The following ATM variants were observed in gnomAD, a reference collection of about 807,000 sequenced individuals.
The protein encoded by ATM is ATM serine/threonine kinase.
Under a neutral mutation model 387.0 loss-of-function variants are expected in ATM, and 308 were observed. The ratio of observed to expected loss-of-function variants is 0.80; its 90% CI spans 0.73 to 0.87. ATM has a LOEUF of 0.87. Ranked by LOEUF, ATM falls within the 40% of genes least tolerant of loss-of-function variation. The pLI is 0.00. For synonymous variants in ATM, 1,156 were observed against 1,187.3 expected, an observed-to-expected ratio of 0.97 and a Z score of 0.54; for missense variants, 3,312 against 3,560.9, an observed-to-expected ratio of 0.93 and a Z score of 1.78.
intron 4 of ATM, among the ~76,000 whole-genome samples, chr11:108,234,418 A>G (rs1384666799): frequency 6.6e-6 from 1 of 152,258 alleles, no homozygotes; most frequent in Non-Finnish European, 1.5e-5. Context: ...TGACGTAAAT[A>G]TAATTTACTG....
intron 61 of ATM, among the ~76,000 whole-genome samples, chr11:108,362,764 A>G (rs1442491349): frequency 7.3e-6 from 1 of 136,716 alleles, no homozygotes; most frequent in African/African-American, 2.7e-5. Flanking sequence ...ACACATGGAC[A>G]CAGGAAGGGG....
intron 5 of ATM, among the ~76,000 whole-genome samples, chr11:108,241,832 C>T (rs531967799): frequency 4.4e-4 from 62 of 142,036 alleles, no homozygotes; most frequent in Admixed American, 3.7e-3. Context: ...TCTGCAGCTT[C>T]GACCTCCTGA....
At chr11:108,232,000 A>G (rs1408571952) in intron 4 of ATM, among the ~76,000 whole-genome samples, 1 of 152,204 alleles carries the variant, frequency 6.6e-6, no homozygotes, top group East Asian at 1.9e-4. Flanking sequence ...ATGCTGGGAT[A>G]TAGTAGGTAC....
intron 61 of ATM, among the ~76,000 whole-genome samples, chr11:108,362,692 C>T (rs977774184): frequency 6.8e-6 from 1 of 146,386 alleles, no homozygotes; most frequent in Admixed American, 6.8e-5. Flanking sequence ...AGTAAACTAT[C>T]GCAAGAACAA....
intron 55 of ATM, among the ~76,000 whole-genome samples, chr11:108,335,552 T>A (rs1185621874): frequency 6.6e-6 from 1 of 151,916 alleles, no homozygotes; most frequent in East Asian, 1.9e-4. Context: ...TACTGGGGAG[T>A]GGTGGAAAGA....
At chr11:108,343,940 C>T (rs1470642933) in intron 57 of ATM, among the ~76,000 whole-genome samples, 2 of 152,154 alleles carry the variant, frequency 1.3e-5, no homozygotes, top group African/African-American at 4.8e-5. Context: ...TGTTTTCTGT[C>T]TACCAGGTAC....
chr11:108,299,594 G>A lies in ATM; in HGVS notation c.5006-120G>A. 3.8e-6 allele frequency: 4 copies of A among 1,043,086 alleles called. No homozygotes were observed. In the Admixed American group the frequency reaches 7.1e-5, roughly 18 times the overall value. 64.6% of individuals were successfully genotyped at this position (1,043,086 alleles called of 1,614,324 possible). ...TTACAGTCGTGAGCCACCGCACTCG[G>A]CCTTAAGGTTAATTCTTGAAGTACA... On this transcript the variant is annotated intron_variant, in intron 33 of 62. Transcript: ENST00000675843.
Position 108,248,251 on chromosome 11 carries a change from C to T in ATM, c.1066-682C>T, listed in dbSNP as rs188230506. Among the ~76,000 whole-genome samples, 288 of 152,298 alleles carry T rather than the reference C, an allele frequency of 1.9e-3. 1 individual carries two copies. The highest frequency in any genetic ancestry group is 6.4e-3 in the African/African-American group (266 of 41,568). ...CTCTGTTCCCCAGAGATTTGGTTAA[C>T]ATCCTGAGTAGTAATTTCACTCTGT... is the stretch of plus-strand genomic sequence containing the variant. On this transcript the variant is annotated intron_variant, in intron 8 of 62. Transcript: ENST00000675843.
chr11:108,260,791 C>T (rs958013238), intron 16 of ATM, among the ~76,000 whole-genome samples: 13 of 151,840 alleles, frequency 8.6e-5, no homozygotes, highest in African/African-American at 1.7e-4. Flanking sequence ...GCGCACCGTG[C>T]GCGAGCCGAA....
In ATM at chr11:108,304,161, C is replaced by T. The variant is rs1429645261; in HGVS notation, c.5497-514C>T. Among the ~76,000 whole-genome samples the T allele has an allele frequency of 3.3e-5, 5 of 152,248 alleles. No homozygotes were observed. The East Asian group carries it at 7.7e-4, about 23-fold the overall frequency. On this transcript the variant is annotated intron_variant, in intron 36 of 62. Transcript: ENST00000675843. ...TTGGAATATACCACAAATAATTACC[C>T]AAATTTTATGCCCAGAAGTTGGGCT...
chr11:108,319,963 A>T lies in ATM; in HGVS notation c.6357A>T (p.Val2119=), dbSNP rs1060504295. ...WDHCTSVSKE[V]EGTSYHESLY... is the part of the protein sequence containing the mutation. ...TTGACTTATCTCACAGCAAAGAAGT[A>T]GAAGGAACCAGTTACCATGAATCAT... Residue 2119 remains valine, a synonymous_variant, in exon 44 of 63, where the codon GTA becomes GTT. Transcript: ENST00000675843. 5.0e-6 allele frequency: 8 copies of T among 1,609,420 alleles called. No homozygotes were observed. Among genetic ancestry groups the T allele is most frequent in the Non-Finnish European group, 6.0e-6 (7 of 1,175,956 alleles).
In ATM at chr11:108,259,212, A is replaced by G. The variant is rs925652869; in HGVS notation, c.2466+137A>G. On this transcript the variant is annotated intron_variant, in intron 16 of 62. Transcript: ENST00000675843. ...TTTTACAAATGTGGAAATTAAGGCC[A>G]GGTGCGGTGGCTCATGCCTGTAACC... The G allele has an allele frequency of 3.7e-6, 3 of 802,664 alleles. No individual in the cohort carries two copies. The South Asian group carries it at 4.6e-5, about 12-fold the overall frequency. 49.7% of individuals were successfully genotyped at this position (802,664 alleles called of 1,614,324 possible).
chr11:108,308,669 G>A lies in ATM; in HGVS notation c.5762+685G>A, dbSNP rs2083881297. Reference sequence around the variant, plus strand: ...AATCGATGTCTCATAAGTGTGTATGGTGGTGGTAGGGGTGGTTGGTAAAGA... The same window carrying A: ...AATCGATGTCTCATAAGTGTGTATGATGGTGGTAGGGGTGGTTGGTAAAGA... On this transcript the variant is annotated intron_variant, in intron 38 of 62. Transcript: ENST00000675843. 2.2e-5 allele frequency: 6 copies of A among 274,326 alleles called. No individual in the cohort carries two copies. In the Admixed American group the frequency reaches 2.3e-4, roughly 11 times the overall value. 17.0% of individuals were successfully genotyped at this position (274,326 alleles called of 1,614,324 possible). A position where few individuals can be genotyped will look rare whatever the true frequency, so the allele number is the denominator to read the frequency against.
At chr11:108,260,124 T>A (rs1427448943) in intron 16 of ATM, among the ~76,000 whole-genome samples, 3 of 140,220 alleles carry the variant, frequency 2.1e-5, no homozygotes, top group East Asian at 4.6e-4. Flanking sequence ...AGCCCCCACC[T>A]CCTAGGTTCA....
At chr11:108,356,888 G>A (rs1180717637) in intron 61 of ATM, among the ~76,000 whole-genome samples, 2 of 152,176 alleles carry the variant, frequency 1.3e-5, no homozygotes, top group Non-Finnish European at 2.9e-5. Context: ...AAAGTGATTT[G>A]CATCTCCACC....
intron 5 of ATM, among the ~76,000 whole-genome samples, chr11:108,243,487 C>T (rs1227947173): frequency 6.6e-6 from 1 of 152,064 alleles, no homozygotes; most frequent in Non-Finnish European, 1.5e-5. Flanking sequence ...GTTTTGTGCG[C>T]CTGTGGTCCC....
chr11:108,249,171 C>T (rs2135298102), intron 9 of ATM, 69 bp downstream of exon 9: 2 of 1,554,048 alleles, frequency 1.3e-6, no homozygotes, highest in Non-Finnish European at 1.8e-6. Flanking sequence ...AGAAAACTTT[C>T]AGTGGAATCC....
intron 45 of ATM, among the ~76,000 whole-genome samples, chr11:108,324,240 G>GT (rs898790193): frequency 3.4e-4 from 51 of 152,078 alleles, no homozygotes; most frequent in African/African-American, 1.2e-3. Context: ...GAGGTTACGT[G>GT]TAATAGGAAA....
chr11:108,248,051 A>G lies in ATM; in HGVS notation c.1066-882A>G, dbSNP rs183496952. Reference sequence around the variant, plus strand: ...GTTCGTTTAAATGGAATCATACAATATGTGAGTCTTTTGTGTCTGGTTTCT... The same window carrying G: ...GTTCGTTTAAATGGAATCATACAATGTGTGAGTCTTTTGTGTCTGGTTTCT... On this transcript the variant is annotated intron_variant, in intron 8 of 62. Coordinates refer to ENST00000675843, the MANE Select transcript of ATM (RefSeq NM_000051.4). Among the ~76,000 whole-genome samples the G allele has an allele frequency of 9.2e-5, 14 of 152,308 alleles. No homozygotes were observed. The East Asian group carries it at 2.7e-3, about 29-fold the overall frequency.
Sources: allele counts gnomAD v4.1 joint callset (sites outside exome capture counted in the v4.1 genomes callset), GRCh38; gene constraint gnomAD v4.1.1; transcripts MANE v1.5; gene names NCBI Gene and HGNC (gene_info 2026-07-23, HGNC 2026-07-21).